The following TMEM117 variants were observed in gnomAD, a reference collection of about 807,000 sequenced individuals.
TMEM117 encodes transmembrane protein 117.
TMEM117 carries 27 observed loss-of-function variants against 52.4 expected under a neutral mutation model. The observed-to-expected ratio is 0.51, with a 90% CI of 0.38 to 0.71. The LOEUF is 0.71. TMEM117 is among the 30% of genes least tolerant of loss of function. The pLI, the probability that TMEM117 is intolerant of heterozygous loss-of-function variation, is 0.00. For missense variants in TMEM117, 556 were observed against 630.5 expected (o/e 0.88, Z 1.26); for synonymous variants, 215 against 206.3 (o/e 1.04, Z -0.36).
At chr12:43,895,236 A>G (rs1287819040) in intron 2 of TMEM117, among the ~76,000 whole-genome samples, 3 of 152,246 alleles carry the variant, frequency 2.0e-5, no homozygotes, top group Middle Eastern at 3.4e-3. Context: ...CTTGTCAATA[A>G]CAACATGAGG....
In TMEM117 at chr12:44,341,542, T is replaced by C. The variant is rs191442483; in HGVS notation, c.769-35053T>C. Among the ~76,000 whole-genome samples, 751 of 152,284 alleles carry C rather than the reference T, an allele frequency of 4.9e-3. 20 individuals carry two copies. The highest frequency in any genetic ancestry group is 0.046 in the Admixed American group (706 of 15,290). On this transcript the variant is annotated intron_variant, in intron 6 of 7. Coordinates refer to ENST00000266534, the MANE Select transcript of TMEM117 (RefSeq NM_032256.3). ...GGACTGTTCAGTTGATTCTGTATCT[T>C]TGTTATTGTGAATAGTGCTGCAATA... is the stretch of plus-strand genomic sequence containing the variant.
At chr12:44,028,373 A>G (rs899069174) in intron 3 of TMEM117, among the ~76,000 whole-genome samples, 1 of 152,236 alleles carries the variant, frequency 6.6e-6, no homozygotes, top group Non-Finnish European at 1.5e-5. Context: ...CATCTTGAAT[A>G]GGAGCTGGGT....
chr12:44,013,318 C>T (rs535425338), intron 3 of TMEM117, among the ~76,000 whole-genome samples: 15 of 152,272 alleles, frequency 9.9e-5, no homozygotes, highest in Middle Eastern at 6.8e-3. Context: ...TAAGTCACCG[C>T]GCCCAGTCTA....
intron 3 of TMEM117, among the ~76,000 whole-genome samples, chr12:44,021,244 G>A (rs768851151): frequency 6.6e-6 from 1 of 152,134 alleles, no homozygotes; most frequent in Non-Finnish European, 1.5e-5. Flanking sequence ...TATCTTTTCT[G>A]CTCCTCTTTC....
intron 3 of TMEM117, among the ~76,000 whole-genome samples, chr12:44,056,231 A>G (rs1262896796): frequency 6.6e-6 from 1 of 152,186 alleles, no homozygotes; most frequent in Non-Finnish European, 1.5e-5. Context: ...GGCACACACC[A>G]CTGCACTCCA....
At chr12:44,180,236 A>ATCATCG (rs1949173669) in intron 4 of TMEM117, among the ~76,000 whole-genome samples, 2 of 151,854 alleles carry the variant, frequency 1.3e-5, no homozygotes, top group African/African-American at 4.8e-5. Flanking sequence ...CATCATCATC[A>ATCATCG]TCATCGTCAT....
chr12:43,920,337 C>A (rs1385076781), intron 2 of TMEM117, among the ~76,000 whole-genome samples: 7 of 151,998 alleles, frequency 4.6e-5, no homozygotes. Context: ...CACGGTGAAA[C>A]CCTGTCTCTA....
chr12:44,258,849 C>A (rs1271150513), intron 5 of TMEM117, among the ~76,000 whole-genome samples: 2 of 151,976 alleles, frequency 1.3e-5, no homozygotes, highest in Admixed American at 6.6e-5. Context: ...TGTTCATTTT[C>A]TAATACAGGA....
chr12:44,378,392 T>C (rs1053406817), intron 7 of TMEM117, among the ~76,000 whole-genome samples: 1 of 152,162 alleles, frequency 6.6e-6, no homozygotes, highest in African/African-American at 2.4e-5. Flanking sequence ...GTTTACACAA[T>C]GTGGAATACT....
At chr12:43,969,439 TTGAACC>T (rs1945543298) in intron 3 of TMEM117, among the ~76,000 whole-genome samples, 1 of 151,010 alleles carries the variant, frequency 6.6e-6, no homozygotes, top group Admixed American at 6.6e-5. Context: ...AGAGAATTGC[TTGAACC>T]TGGGAGGCGG....
At chr12:44,132,132 A>G (rs1274934432) in intron 3 of TMEM117, among the ~76,000 whole-genome samples, 2 of 151,156 alleles carry the variant, frequency 1.3e-5, no homozygotes, top group East Asian at 3.9e-4. Context: ...TGGCCATTTC[A>G]CTGGGAGACC....
the TMEM117 span, among the ~76,000 whole-genome samples, chr12:43,801,795 C>T: frequency 1.3e-4 from 20 of 151,990 alleles, no homozygotes; most frequent in South Asian, 6.2e-4. Context: ...TTTGGGAGGC[C>T]GAGGTGGGTG....
intron 4 of TMEM117, among the ~76,000 whole-genome samples, chr12:44,146,959 T>C (rs747879972): frequency 2.0e-5 from 3 of 152,184 alleles, no homozygotes; most frequent in Non-Finnish European, 2.9e-5. Flanking sequence ...TCAACCAATA[T>C]GAGAAGTATC....
chr12:44,155,484 A>G (rs886422080), intron 4 of TMEM117, among the ~76,000 whole-genome samples: 1 of 152,086 alleles, frequency 6.6e-6, no homozygotes, highest in African/African-American at 2.4e-5. Context: ...GGTCTGTTCA[A>G]ATCTTACCAA....
chr12:44,198,714 T>A (rs567285011), intron 4 of TMEM117, among the ~76,000 whole-genome samples: 12 of 152,086 alleles, frequency 7.9e-5, no homozygotes, highest in African/African-American at 2.4e-4. Context: ...AGGAACCTGG[T>A]TTGGAATTTT....
intron 3 of TMEM117, among the ~76,000 whole-genome samples, chr12:44,070,605 G>A (rs974463084): frequency 6.6e-6 from 1 of 152,174 alleles, no homozygotes; most frequent in African/African-American, 2.4e-5. Flanking sequence ...GGGAGAGCAA[G>A]GAAGAGATGG....
chr12:44,343,153 A>G (rs540804926), intron 6 of TMEM117, among the ~76,000 whole-genome samples: 6 of 151,628 alleles, frequency 4.0e-5, no homozygotes, highest in African/African-American at 7.3e-5. Context: ...GGGTTTCGCC[A>G]TGTTGGCCAG....
At chr12:44,137,649 G>T (rs749808865) in intron 3 of TMEM117, among the ~76,000 whole-genome samples, 1 of 152,104 alleles carries the variant, frequency 6.6e-6, no homozygotes, top group Admixed American at 6.6e-5. Flanking sequence ...CACATCTTAC[G>T]TGGATGGCGG....
At chr12:43,891,405 C>G (rs900533072) in intron 2 of TMEM117, among the ~76,000 whole-genome samples, 1 of 52,480 alleles carries the variant, frequency 1.9e-5, no homozygotes, top group African/African-American at 4.7e-5. Flanking sequence ...TGGAGTCTCA[C>G]CCTGTCACCC....
Sources: allele counts gnomAD v4.1 joint callset (sites outside exome capture counted in the v4.1 genomes callset), GRCh38; gene constraint gnomAD v4.1.1; transcripts MANE v1.5; gene names NCBI Gene and HGNC (gene_info 2026-07-23, HGNC 2026-07-21).